Variants in MAST4 observed in about 807,000 individuals in gnomAD.
MAST4 encodes microtubule-associated serine/threonine-protein kinase 4.
Under a neutral mutation model 162.7 loss-of-function variants are expected in MAST4, and 89 were observed. That is an observed-to-expected ratio of 0.55 (90% CI 0.46 to 0.65). The LOEUF (loss-of-function observed/expected upper bound fraction) is 0.65. Among genes scored for constraint, MAST4 ranks in the 30% least tolerant of loss-of-function variants. The pLI is 0.00. For missense variants in MAST4, 3,153 were observed against 3,374.0 expected (o/e 0.93, Z 1.62); for synonymous variants, 1,479 against 1,361.1 (o/e 1.09, Z -1.91).
intron 1 of MAST4, among the ~76,000 whole-genome samples, chr5:66,601,740 C>A (rs773423412): frequency 1.1e-4 from 17 of 152,078 alleles, no homozygotes; most frequent in Admixed American, 4.6e-4. Context: ...AAGCAGCAGC[C>A]GGGTCATACA....
At chr5:67,044,514 C>T (rs1285692990) in intron 4 of MAST4, among the ~76,000 whole-genome samples, 1 of 152,124 alleles carries the variant, frequency 6.6e-6, no homozygotes, top group Non-Finnish European at 1.5e-5. Flanking sequence ...TTCCTCCCCA[C>T]CTTTTTCTTT....
At chr5:66,824,799 C>T (rs913123265) in intron 3 of MAST4, among the ~76,000 whole-genome samples, 2 of 152,098 alleles carry the variant, frequency 1.3e-5, no homozygotes, top group African/African-American at 4.8e-5. Context: ...GTACTGAATA[C>T]GTAGTCATTT....
intron 4 of MAST4, among the ~76,000 whole-genome samples, chr5:66,960,992 T>G (rs1381681334): frequency 1.3e-5 from 2 of 152,238 alleles, no homozygotes; most frequent in Non-Finnish European, 2.9e-5. Flanking sequence ...TAAATATTAC[T>G]GTGCATTTAA....
intron 4 of MAST4, among the ~76,000 whole-genome samples, chr5:66,970,946 T>C (rs1747353802): frequency 6.6e-6 from 1 of 152,218 alleles, no homozygotes; most frequent in Non-Finnish European, 1.5e-5. Flanking sequence ...AGCACTCCCC[T>C]TTCACTTTCA....
intron 14 of MAST4, among the ~76,000 whole-genome samples, chr5:67,127,412 A>G (rs1020750899): frequency 1.3e-5 from 2 of 152,182 alleles, no homozygotes; most frequent in South Asian, 2.1e-4. Context: ...CGGTCCATCA[A>G]TACCTAGTTT....
At chr5:66,882,519 TAGTA>T (rs1266722066) in intron 3 of MAST4, among the ~76,000 whole-genome samples, 3 of 152,232 alleles carry the variant, frequency 2.0e-5, no homozygotes, top group Admixed American at 1.3e-4. Flanking sequence ...CTCTGCCAGT[TAGTA>T]AGCCCATTTC....
At chr5:66,793,729 A>G in intron 3 of MAST4, among the ~76,000 whole-genome samples, 1 of 152,156 alleles carries the variant, frequency 6.6e-6, no homozygotes, top group Middle Eastern at 3.2e-3. Context: ...CCTGTGCCTC[A>G]TCTTTTTTGT....
chr5:67,166,825 G>A lies in MAST4; in HGVS notation c.7646G>A (p.Arg2549Lys). Residue 2549 changes from arginine (R) to lysine (K), a missense_variant, in exon 29 of 29, where the codon AGG becomes AAG. By Grantham distance (26) the Arg-to-Lys change is conservative. Coordinates refer to ENST00000403625, the MANE Select transcript of MAST4 (RefSeq NM_001164664.2). ...NTMGGASHRD[R>K]ALSVTATVGE... is the part of the protein sequence containing the mutation. ...ATGGGCGGGGCCAGCCACCGGGACA[G>A]GGCTCTCTCGGTGACTGCCACCGTA... The A allele has an allele frequency of 3.1e-6, 5 of 1,604,518 alleles. No individual in the cohort carries two copies. Among genetic ancestry groups the A allele is most frequent in the Non-Finnish European group, 4.3e-6 (5 of 1,176,078 alleles).
At chr5:66,734,114 G>C (rs1210750094) in intron 1 of MAST4, among the ~76,000 whole-genome samples, 1 of 151,956 alleles carries the variant, frequency 6.6e-6, no homozygotes, top group East Asian at 1.9e-4. Flanking sequence ...TTCTCCTTCT[G>C]TACTATGTCA....
At chr5:66,939,101 G>A (rs967540281) in intron 4 of MAST4, among the ~76,000 whole-genome samples, 11 of 152,032 alleles carry the variant, frequency 7.2e-5, no homozygotes, top group Admixed American at 7.2e-4. Context: ...CATAATTAAT[G>A]TTAACTTATA....
At chr5:66,902,522 G>A (rs464659) in intron 4 of MAST4, 65,901 of 189,390 alleles carry the variant, frequency 0.35, 12,843 homozygotes, top group Non-Finnish European at 0.44. Context: ...GTTATTAGTT[G>A]AAAGTATAAA....
chr5:66,839,974 T>A (rs991968811), intron 3 of MAST4, among the ~76,000 whole-genome samples: 1 of 152,108 alleles, frequency 6.6e-6, no homozygotes, highest in African/African-American at 2.4e-5. Flanking sequence ...AATTTTTTTT[T>A]TTAAACTGAC....
rs1378863856 is a variant in MAST4 at position 67,164,908 on chromosome 5, CTGGAACAGTCA to C, written c.5735_5745del (p.Thr1912LysfsTer12). On this transcript the variant is annotated frameshift_variant, in exon 29 of 29. Coordinates refer to ENST00000403625, the MANE Select transcript of MAST4 (RefSeq NM_001164664.2). LOFTEE classifies it low-confidence loss of function (END_TRUNC). The surrounding 1 kb of genome is among the most constrained non-coding windows in gnomAD (Gnocchi z 5.3). The stretch of plus-strand genomic sequence containing the variant: ...GGTCCCCATCCTACTGCCAGGAGCC[CTGGAACAGTCA>C]TGGAAAGCAATCCCCAACAGAGAGA... 1 of 1,614,002 alleles carries C rather than the reference CTGGAACAGTCA, an allele frequency of 6.2e-7. No homozygotes were observed. The highest frequency in any genetic ancestry group is 2.2e-5 in the East Asian group (1 of 44,874).
chr5:66,632,507 G>A (rs1461203725), intron 1 of MAST4, among the ~76,000 whole-genome samples: 1 of 152,136 alleles, frequency 6.6e-6, no homozygotes, highest in Non-Finnish European at 1.5e-5. Context: ...TTAGTAGGTG[G>A]AGGGTATTAG....
chr5:66,596,817 C>A lies in MAST4; in HGVS notation c.162C>A (p.Pro54=). 2 of 1,286,418 alleles carry A rather than the reference C, an allele frequency of 1.6e-6. No individual in the cohort carries two copies. Among genetic ancestry groups the A allele is most frequent in the East Asian group, 3.3e-5 (1 of 29,914 alleles). The allele number at this position is 1,286,418 out of a possible 1,614,324, so 79.7% of individuals were successfully genotyped here. Residue 54 remains proline (P), a synonymous_variant, in exon 1 of 29, where the codon CCC becomes CCA. Coordinates refer to ENST00000403625, the MANE Select transcript of MAST4 (RefSeq NM_001164664.2). The part of the protein sequence containing the change: ...GSETLSEEGE[P]GGFSREHQPP... ...AAACTCTGTCGGAGGAAGGGGAGCC[C>A]GGCGGCTTCTCCAGAGAGCATCAGC...
intron 4 of MAST4, among the ~76,000 whole-genome samples, chr5:66,974,697 G>C (rs1441859338): frequency 2.6e-5 from 4 of 152,168 alleles, no homozygotes; most frequent in Non-Finnish European, 4.4e-5. Flanking sequence ...TTTTACCATG[G>C]AATCTAATGC....
intron 1 of MAST4, among the ~76,000 whole-genome samples, chr5:66,755,095 A>T (rs545810047): frequency 1.3e-5 from 2 of 152,148 alleles, no homozygotes; most frequent in Non-Finnish European, 2.9e-5. Context: ...TTCTGAGAGG[A>T]TGGAAGCACA....
intron 1 of MAST4, among the ~76,000 whole-genome samples, chr5:66,605,455 T>G (rs1485522381): frequency 6.6e-6 from 1 of 152,196 alleles, no homozygotes; most frequent in African/African-American, 2.4e-5. Flanking sequence ...GTTTGAAAAT[T>G]GAGGGTGCCT....
chr5:66,736,599 C>CT (rs1752169870), intron 1 of MAST4, among the ~76,000 whole-genome samples: 2 of 152,128 alleles, frequency 1.3e-5, no homozygotes, highest in East Asian at 1.9e-4. Flanking sequence ...TTCTTTAAGT[C>CT]TTTTTTAAGA....
Sources: gnomAD v4.1 joint callset for allele counts (sites outside exome capture counted in the v4.1 genomes callset) on GRCh38, gnomAD v4.1.1 for gene constraint, Gnocchi (gnomAD v3.1) non-coding constraint, MANE v1.5 for transcripts, NCBI Gene and HGNC (gene_info 2026-07-23, HGNC 2026-07-21) for gene names.